Variants in GRM3 observed in about 807,000 individuals in gnomAD.
GRM3 encodes glutamate metabotropic receptor 3, also known as metabotropic glutamate receptor 3.
A neutral mutation model predicts 70.5 loss-of-function variants in GRM3; 26 were observed. That is an observed-to-expected ratio of 0.37 (90% CI 0.27 to 0.51). GRM3 has a LOEUF of 0.51. Among genes scored for constraint, GRM3 ranks in the 20% least tolerant of loss-of-function variants. The pLI, the probability that GRM3 is intolerant of heterozygous loss-of-function variation, is 0.93. For synonymous variants in GRM3, 443 were observed against 434.9 expected (o/e 1.02, Z -0.23); for missense variants, 859 against 1,123.8 (o/e 0.76, Z 3.37).
intron 2 of GRM3, among the ~76,000 whole-genome samples, chr7:86,776,862 T>C (rs1188051298): frequency 6.6e-6 from 1 of 152,194 alleles, no homozygotes; most frequent in Admixed American, 6.5e-5. Flanking sequence ...TGACACCAGA[T>C]ATGACACAGA....
At chr7:86,748,414 G>A (rs138313872) in intron 1 of GRM3, among the ~76,000 whole-genome samples, 1 of 152,094 alleles carries the variant, frequency 6.6e-6, no homozygotes, top group East Asian at 1.9e-4. Context: ...GAAGAACCAA[G>A]CACAATATGT....
Position 86,864,485 on chromosome 7 carries a change from AT to A in GRM3, c.*135del. The A allele has an allele frequency of 1.4e-6, 1 of 727,954 alleles. No homozygotes were observed. The highest frequency in any genetic ancestry group is 2.5e-6 in the Non-Finnish European group (1 of 396,498). 45.1% of individuals were successfully genotyped at this position (727,954 alleles called of 1,614,324 possible). A position where few individuals can be genotyped will look rare whatever the true frequency, so the allele number is the denominator to read the frequency against. On this transcript the variant is annotated 3_prime_UTR_variant, in exon 6 of 6. Coordinates refer to ENST00000361669, the MANE Select transcript of GRM3 (RefSeq NM_000840.3). ...TTTTTTAGAAACAGTACGATAAATT[AT>A]TTTTGAGGACTGTATATAGTGATGT...
At chr7:86,864,004 A>G (rs1047638281) in intron 5 of GRM3, among the ~76,000 whole-genome samples, 1 of 150,674 alleles carries the variant, frequency 6.6e-6, no homozygotes, top group Non-Finnish European at 1.5e-5. Context: ...ATGAGTTTTT[A>G]ATTTAATTTT....
chr7:86,746,500 T>C (rs1302568749), intron 1 of GRM3, among the ~76,000 whole-genome samples: 1 of 148,662 alleles, frequency 6.7e-6, no homozygotes. Flanking sequence ...AAAAAAAATG[T>C]GCAAGTTAGA....
intron 1 of GRM3, among the ~76,000 whole-genome samples, chr7:86,716,461 T>C (rs529835693): frequency 1.1e-3 from 168 of 152,010 alleles, no homozygotes; most frequent in Non-Finnish European, 2.2e-3. Context: ...ATCAGGCACC[T>C]GGTAAATGAA....
chr7:86,802,085 C>A (rs759574132), intron 3 of GRM3, among the ~76,000 whole-genome samples: 8 of 152,080 alleles, frequency 5.3e-5, no homozygotes, highest in Non-Finnish European at 8.8e-5. Flanking sequence ...CCTGACATAA[C>A]CATTTTGTAT....
At chr7:86,709,207 C>T (rs1760758078) in intron 1 of GRM3, among the ~76,000 whole-genome samples, 1 of 152,098 alleles carries the variant, frequency 6.6e-6, no homozygotes, top group East Asian at 1.9e-4. Context: ...ATTTTGCATT[C>T]CTAAATTTTT....
intron 4 of GRM3, among the ~76,000 whole-genome samples, chr7:86,849,288 C>A (rs1451820341): frequency 6.6e-6 from 1 of 152,062 alleles, no homozygotes; most frequent in African/African-American, 2.4e-5. Context: ...AAGAAAGGAG[C>A]CTGCAATTAG....
intron 2 of GRM3, among the ~76,000 whole-genome samples, chr7:86,777,272 A>G (rs1308854536): frequency 1.3e-5 from 2 of 152,218 alleles, no homozygotes; most frequent in Admixed American, 6.5e-5. Flanking sequence ...TCAGTTTCAA[A>G]TGAAGAAAAT....
intron 1 of GRM3, among the ~76,000 whole-genome samples, chr7:86,647,404 A>T (rs530930623): frequency 2.0e-5 from 3 of 152,286 alleles, no homozygotes; most frequent in Admixed American, 2.0e-4. Context: ...CCTGCACTAA[A>T]CATCATCCCA....
At chr7:86,841,356 T>C (rs1798556020) in intron 4 of GRM3, among the ~76,000 whole-genome samples, 1 of 152,146 alleles carries the variant, frequency 6.6e-6, no homozygotes, top group African/African-American at 2.4e-5. Flanking sequence ...ATAAAAATTT[T>C]GGAAAATTTT....
intron 3 of GRM3, among the ~76,000 whole-genome samples, chr7:86,825,708 TC>T (rs941428889): frequency 6.6e-6 from 1 of 152,240 alleles, no homozygotes; most frequent in Non-Finnish European, 1.5e-5. Flanking sequence ...AATAAAATTT[TC>T]CTGTTCTGCT....
chr7:86,792,627 G>A (rs375527755), intron 3 of GRM3, among the ~76,000 whole-genome samples: 2 of 152,290 alleles, frequency 1.3e-5, no homozygotes, highest in Admixed American at 6.5e-5. Flanking sequence ...CCACAGATAC[G>A]TTTAGATGTC....
intron 1 of GRM3, among the ~76,000 whole-genome samples, chr7:86,665,244 C>G (rs1467349121): frequency 6.6e-6 from 1 of 151,960 alleles, no homozygotes; most frequent in Non-Finnish European, 1.5e-5. Context: ...TTATGAATCT[C>G]AATTCTATCA....
At chr7:86,745,555 C>A (rs1037060038) in intron 1 of GRM3, among the ~76,000 whole-genome samples, 2 of 152,124 alleles carry the variant, frequency 1.3e-5, no homozygotes, top group Non-Finnish European at 2.9e-5. Flanking sequence ...CATAGTCTCA[C>A]TAAGCCTCCA....
chr7:86,705,788 G>A (rs1389959260), intron 1 of GRM3, among the ~76,000 whole-genome samples: 1 of 151,978 alleles, frequency 6.6e-6, no homozygotes, highest in Admixed American at 6.6e-5. Flanking sequence ...CATGCTTATA[G>A]GACATAAATG....
chr7:86,723,844 G>T (rs1328519357), intron 1 of GRM3, among the ~76,000 whole-genome samples: 2 of 152,136 alleles, frequency 1.3e-5, no homozygotes, highest in African/African-American at 4.8e-5. Context: ...GGCATAGATT[G>T]TACCAAGCTG....
chr7:86,779,941 A>G (rs1797000852), intron 2 of GRM3, among the ~76,000 whole-genome samples: 1 of 152,252 alleles, frequency 6.6e-6, no homozygotes, highest in Non-Finnish European at 1.5e-5. Flanking sequence ...ACACCAGCTT[A>G]TAACTACAAC....
At chr7:86,809,510 C>G (rs1160230586) in intron 3 of GRM3, among the ~76,000 whole-genome samples, 1 of 152,014 alleles carries the variant, frequency 6.6e-6, no homozygotes, top group Non-Finnish European at 1.5e-5. Flanking sequence ...TCGGGTTGCT[C>G]TAGCCTCTTG....
Sources: allele counts gnomAD v4.1 joint callset (sites outside exome capture counted in the v4.1 genomes callset), GRCh38; gene constraint gnomAD v4.1.1; transcripts MANE v1.5; gene names NCBI Gene and HGNC (gene_info 2026-07-23, HGNC 2026-07-21).